The following RAB1B variants were observed in gnomAD, a reference collection of about 807,000 sequenced individuals.
RAB1B encodes the protein ras-related protein Rab-1B.
Under a neutral mutation model 24.8 loss-of-function variants are expected in RAB1B, and 10 were observed. That is an observed-to-expected ratio of 0.40 (90% CI 0.25 to 0.68). RAB1B has a LOEUF of 0.68. Among genes scored for constraint, RAB1B ranks in the 30% least tolerant of loss-of-function variants. The pLI, the probability that RAB1B is intolerant of heterozygous loss-of-function variation, is 0.37. For missense variants in RAB1B, 154 were observed against 271.2 expected, an observed-to-expected ratio of 0.57 and a Z score of 3.04; for synonymous variants, 99 against 111.7, an observed-to-expected ratio of 0.89 and a Z score of 0.72.
chr11:66,274,024 C>T (rs955112511), intron 4 of RAB1B, among the ~76,000 whole-genome samples: 4 of 152,134 alleles, frequency 2.6e-5, no homozygotes, highest in Admixed American at 6.5e-5. Flanking sequence ...ACCCAGACTG[C>T]AGTGCAGTGG....
intron 2 of RAB1B, 109 bp from the exon 3 acceptor site, chr11:66,272,047 TG>T (rs1214470087): frequency 2.0e-6 from 2 of 984,388 alleles, no homozygotes; most frequent in Non-Finnish European, 3.3e-6. Flanking sequence ...TGCTGGGAAT[TG>T]GGGCTTGGTG....
At position 66,277,277 on chromosome 11, in the gene RAB1B, G is replaced by T. The variant is rs929365530; in HGVS notation, c.*1039G>T. On this transcript the variant is annotated 3_prime_UTR_variant, in exon 6 of 6. Coordinates refer to ENST00000311481, the MANE Select transcript of RAB1B (RefSeq NM_030981.3). ...GTCTCCCTGAGAAGCCATGTCCCTC[G>T]TGCTGTCTCTTGCCTGTCCCACCTG... The T allele has an allele frequency of 6.5e-6, 1 of 152,716 alleles. No individual in the cohort carries two copies. Among genetic ancestry groups the T allele is most frequent in the Non-Finnish European group, 1.5e-5 (1 of 68,124 alleles). 9.5% of individuals were successfully genotyped at this position (152,716 alleles called of 1,614,324 possible).
rs1211318459 is a variant in RAB1B, at chr11:66,276,482, C to T, written c.*244C>T. The T allele has an allele frequency of 2.0e-6, 1 of 489,238 alleles. No homozygotes were observed. Among genetic ancestry groups the T allele is most frequent in the Non-Finnish European group, 3.6e-6 (1 of 279,426 alleles). The allele number at this position is 489,238 out of a possible 1,614,324, so 30.3% of individuals were successfully genotyped here. ...GGGCGGAGGCCTGCTGTGCTGTTGC[C>T]TCTAGGTGACTTTCCAAGATGCCCC... On this transcript the variant is annotated 3_prime_UTR_variant, in exon 6 of 6. Transcript: ENST00000311481.
At position 66,272,138 on chromosome 11, in the gene RAB1B, T is replaced by C. The variant is rs761693726; in HGVS notation, c.88-19T>C. 3.2e-6 allele frequency: 5 copies of C among 1,568,700 alleles called. No homozygotes were observed. Among genetic ancestry groups the C allele is most frequent in the East Asian group, 2.2e-5 (1 of 44,658 alleles). On this transcript the variant is annotated intron_variant, in intron 2 of 5. Transcript: ENST00000311481. ...CACCTCATTAACTCCCATGATTTCA[T>C]TGGCCCCTGAACTTTCAGGATGACA... is the stretch of plus-strand genomic sequence containing the variant.
chr11:66,273,298 A>G (rs1857090804), intron 4 of RAB1B, among the ~76,000 whole-genome samples: 3 of 152,216 alleles, frequency 2.0e-5, no homozygotes, highest in Admixed American at 6.5e-5. Context: ...TTAGCTCACC[A>G]GGGACTCATG....
chr11:66,273,825 G>A (rs773150068), intron 4 of RAB1B, among the ~76,000 whole-genome samples: 1 of 152,114 alleles, frequency 6.6e-6, no homozygotes, highest in African/African-American at 2.4e-5. Context: ...ACTTGCCACC[G>A]GTCTCACGGG....
intron 4 of RAB1B, among the ~76,000 whole-genome samples, chr11:66,275,458 A>G (rs947248408): frequency 2.6e-5 from 4 of 151,948 alleles, no homozygotes; most frequent in African/African-American, 4.8e-5. Flanking sequence ...CTCTGTTCCT[A>G]TCTCCCGTCC....
intron 1 of RAB1B, 84 bp downstream of exon 1, chr11:66,268,777 G>C: frequency 7.3e-7 from 1 of 1,366,570 alleles, no homozygotes; most frequent in Non-Finnish European, 9.7e-7. Context: ...TCTGGCCCGG[G>C]TCAGGACTGT....
At chr11:66,270,112 T>C (rs1011229385) in intron 1 of RAB1B, 1 of 152,190 alleles carries the variant, frequency 6.6e-6, no homozygotes, top group Non-Finnish European at 1.5e-5. Flanking sequence ...TGGGCTTAAA[T>C]GATTCTCGTG....
intron 4 of RAB1B, 89 bp from the exon 5 acceptor site, chr11:66,275,715 T>C (rs1857130140): frequency 2.8e-6 from 4 of 1,425,912 alleles, no homozygotes; most frequent in Middle Eastern, 2.5e-4. Flanking sequence ...CCCGGAGCTG[T>C]ACTGTTCCCC....
chr11:66,270,951 C>G (rs1012585339), intron 1 of RAB1B: 5 of 152,260 alleles, frequency 3.3e-5, no homozygotes, highest in African/African-American at 2.4e-5. Context: ...AATTTAGACT[C>G]AGCAAGCTGA....
At chr11:66,272,294 C>A in intron 3 of RAB1B, 42 bp downstream of exon 3, 1 of 1,598,370 alleles carries the variant, frequency 6.3e-7, no homozygotes, top group Non-Finnish European at 8.6e-7. Flanking sequence ...CAGAGGTATC[C>A]ACCTTGGGAG....
Position 66,275,945 on chromosome 11 carries a change from G to C in RAB1B, c.411+10G>C, listed in dbSNP as rs376818036. 8.1e-6 allele frequency: 13 copies of C among 1,611,122 alleles called. No individual in the cohort carries two copies. In the South Asian group the frequency reaches 1.3e-4, roughly 16 times the overall value. ...CAACACCACAGCCAAGGTAGCAGAC[G>C]GGCCGGTCTGCCCGGGGTCGGGGCG... On this transcript the variant is annotated intron_variant, in intron 5 of 5. Transcript: ENST00000311481.
rs755321569 is a variant in RAB1B at position 66,276,045 on chromosome 11, A to G, written c.413A>G (p.Glu138Gly). 6.2e-7 allele frequency: 1 copy of G among 1,612,056 alleles called. No individual in the cohort carries two copies. The highest frequency in any genetic ancestry group is 8.5e-7 in the Non-Finnish European group (1 of 1,179,392). ...KKVVDNTTAK[E>G]FADSLGIPFL... The stretch of plus-strand genomic sequence containing the variant: ...CTCTTCTCTCCTCTCCCTTGTCAGG[A>G]GTTTGCAGACTCTCTGGGCATCCCC... The change falls in exon 6 of 6, where the codon GAG becomes GGG. Residue 138 changes from glutamate (E) to glycine (G), a missense_variant and splice_region_variant. By Grantham distance (98) the Glu-to-Gly change is moderately conservative. Transcript: ENST00000311481.
chr11:66,271,718 A>G, intron 1 of RAB1B, 79 bp from the exon 2 acceptor site: 1 of 983,174 alleles, frequency 1.0e-6, no homozygotes, highest in Non-Finnish European at 1.6e-6. Context: ...GGGGTGGGGG[A>G]ATCCTGTAAT....
intron 4 of RAB1B, among the ~76,000 whole-genome samples, chr11:66,273,262 C>T (rs1857090088): frequency 6.6e-6 from 1 of 152,184 alleles, no homozygotes; most frequent in Non-Finnish European, 1.5e-5. Flanking sequence ...CGGGAAGAGT[C>T]CCTGTCTGAG....
chr11:66,271,904 G>A (rs754973034), intron 2 of RAB1B, 35 bp downstream of exon 2: 1 of 1,545,466 alleles, frequency 6.5e-7, no homozygotes, highest in Non-Finnish European at 8.9e-7. Flanking sequence ...TCCACCTGGG[G>A]TCCTGACTGG....
Position 66,276,332 on chromosome 11 carries a change from A to G in RAB1B, c.*94A>G. ...TACCTCCCTCTCCCTCTCCTGGGGC[A>G]TTTGAGTCTGTGGCTTTGGGGTGTC... On this transcript the variant is annotated 3_prime_UTR_variant, in exon 6 of 6. Coordinates refer to ENST00000311481, the MANE Select transcript of RAB1B (RefSeq NM_030981.3). 2.4e-6 allele frequency: 3 copies of G among 1,254,482 alleles called. No individual in the cohort carries two copies. Among genetic ancestry groups the G allele is most frequent in the Non-Finnish European group, 3.2e-6 (3 of 932,808 alleles). 77.7% of individuals were successfully genotyped at this position (1,254,482 alleles called of 1,614,324 possible). A position where few individuals can be genotyped will look rare whatever the true frequency, so the allele number is the denominator to read the frequency against.
chr11:66,269,056 G>A (rs1857003988), intron 1 of RAB1B, among the ~76,000 whole-genome samples: 1 of 152,036 alleles, frequency 6.6e-6, no homozygotes, highest in Non-Finnish European at 1.5e-5. Flanking sequence ...TTTGGAGCCC[G>A]TCTTGATAGT....
Sources: allele counts gnomAD v4.1 joint callset (sites outside exome capture counted in the v4.1 genomes callset), GRCh38; gene constraint gnomAD v4.1.1; transcripts MANE v1.5; gene names NCBI Gene and HGNC (gene_info 2026-07-23, HGNC 2026-07-21).